Variants in ABTB2 observed in about 807,000 individuals in gnomAD.
ABTB2 encodes the protein ankyrin repeat and BTB domain containing 2, also known as ankyrin repeat and BTB/POZ domain-containing protein 2.
ABTB2 carries 56 observed loss-of-function variants against 104.1 expected under a neutral mutation model. That is an observed-to-expected ratio of 0.54 (90% CI 0.43 to 0.67). ABTB2 has a LOEUF of 0.67. Among genes scored for constraint, ABTB2 ranks in the 30% least tolerant of loss-of-function variants. The pLI is 0.00. For missense variants in ABTB2, 1,279 were observed against 1,407.7 expected (o/e 0.91, Z 1.46); for synonymous variants, 606 against 608.2 (o/e 1.00, Z 0.05).
chr11:34,357,433 C>T lies in ABTB2; in HGVS notation c.151G>A (p.Gly51Arg). 1.3e-6 allele frequency: 2 copies of T among 1,548,880 alleles called. No individual in the cohort carries two copies. The highest frequency in any genetic ancestry group is 8.7e-7 in the Non-Finnish European group (1 of 1,146,764). ...ALNSSAQQHR[G>R]AAWWCYSGSM... ...CCGGAGTAGCACCACCAGGCCGCCC[C>T]GCGGTGCTGCTGCGCCGAAGAGTTG... Residue 51 changes from glycine (G) to arginine (R), a missense_variant, in exon 1 of 17, where the codon GGG becomes AGG. Physicochemically the swap from Gly to Arg is moderately radical, Grantham distance 125 (BLOSUM62 -2). Transcript: ENST00000435224.
At position 34,357,436 on chromosome 11, in the gene ABTB2, G is replaced by A. The variant is rs1855481926; in HGVS notation, c.148C>T (p.Arg50Cys). The change falls in exon 1 of 17, where the codon CGC becomes TGC. Residue 50 changes from arginine to cysteine, a missense_variant. By Grantham distance (180) the Arg-to-Cys change is radical. Transcript: ENST00000435224. The stretch of plus-strand genomic sequence containing the variant: ...GAGTAGCACCACCAGGCCGCCCCGC[G>A]GTGCTGCTGCGCCGAAGAGTTGAGC... ...QALNSSAQQHRGAAWWCYSGS... is the reference protein window; with the variant it reads ...QALNSSAQQHCGAAWWCYSGS... 2 of 1,548,600 alleles carry A rather than the reference G, an allele frequency of 1.3e-6. No individual in the cohort carries two copies. Among genetic ancestry groups the A allele is most frequent in the Non-Finnish European group, 8.7e-7 (1 of 1,146,762 alleles).
Position 34,154,904 on chromosome 11 carries a change from C to G in ABTB2, c.2698-135G>C. Reference sequence around the variant, plus strand: ...TGCAGGTCCCCAGCTCTGTCTCTCCCTCCCTCTCCTGCTCAGGCTGAGACT... The same window carrying G: ...TGCAGGTCCCCAGCTCTGTCTCTCCGTCCCTCTCCTGCTCAGGCTGAGACT... On this transcript the variant is annotated intron_variant, in intron 14 of 16. Transcript: ENST00000435224. This position sits in a 1 kb window ranked among gnomAD's most constrained non-coding sequence, Gnocchi z 4.9. 1 of 773,210 alleles carries G rather than the reference C, an allele frequency of 1.3e-6. No homozygotes were observed. The highest frequency in any genetic ancestry group is 2.1e-6 in the Non-Finnish European group (1 of 470,922). The allele number at this position is 773,210 out of a possible 1,614,324, so 47.9% of individuals were successfully genotyped here. A position where few individuals can be genotyped will look rare whatever the true frequency, so the allele number is the denominator to read the frequency against.
intron 1 of ABTB2, among the ~76,000 whole-genome samples, chr11:34,222,700 TG>T (rs1323216713): frequency 8.5e-5 from 13 of 152,244 alleles, no homozygotes; most frequent in African/African-American, 3.1e-4. Context: ...AGGCTGGATG[TG>T]GGGCTGTGCT....
At position 34,272,706 on chromosome 11, in the gene ABTB2, C is replaced by CAAAAAAA. The variant is rs35638814; in HGVS notation, c.884-68023_884-68017dup. Among the ~76,000 whole-genome samples the CAAAAAAA allele has an allele frequency of 2.0e-3, 81 of 41,022 alleles. 3 individuals carry two copies. Among genetic ancestry groups the CAAAAAAA allele is most frequent in the African/African-American group, 5.1e-3 (51 of 10,064 alleles). The allele number at this position is 41,022 out of a possible 152,430, so 26.9% of individuals were successfully genotyped here. On this transcript the variant is annotated intron_variant, in intron 1 of 16. Transcript: ENST00000435224. ...TGGGCGACAGAGTAAGACTCCGTCT[C>CAAAAAAA]AAAAAAAAAAAAAAAAAAAAAAAAA...
At position 34,152,422 on chromosome 11, in the gene ABTB2, G is replaced by T; in HGVS notation, c.3043C>A (p.Arg1015Ser). Residue 1015 changes from arginine to serine, a missense_variant, in exon 17 of 17, where the codon CGC becomes AGC. Arg to Ser is a moderately radical substitution (Grantham distance 110). Coordinates refer to ENST00000435224, the MANE Select transcript of ABTB2 (RefSeq NM_145804.3). Reference sequence around the variant, plus strand: ...GAGGTGATGTAGACAGAGTGCACGCGCTCTGCCAGGGTGTTCTGCAGGTCC... The same window carrying T: ...GAGGTGATGTAGACAGAGTGCACGCTCTCTGCCAGGGTGTTCTGCAGGTCC... The part of the protein sequence containing the change: ...LQDLQNTLAE[R>S]VHSVYITSRV The T allele has an allele frequency of 1.3e-6, 2 of 1,588,306 alleles. No homozygotes were observed. Among genetic ancestry groups the T allele is most frequent in the Non-Finnish European group, 1.7e-6 (2 of 1,168,618 alleles).
chr11:34,276,218 TAAA>T (rs760725017), intron 1 of ABTB2, among the ~76,000 whole-genome samples: 8 of 136,946 alleles, frequency 5.8e-5, no homozygotes, highest in Admixed American at 7.4e-5. Flanking sequence ...CTTGTTTGGT[TAAA>T]AAAAAAAAAA....
intron 1 of ABTB2, among the ~76,000 whole-genome samples, chr11:34,234,925 T>C (rs1334094775): frequency 6.6e-6 from 1 of 152,216 alleles, no homozygotes; most frequent in Non-Finnish European, 1.5e-5. Flanking sequence ...TGGCGCTATC[T>C]TGGCTCACTG....
At chr11:34,293,385 C>G (rs1854585048) in intron 1 of ABTB2, among the ~76,000 whole-genome samples, 1 of 152,132 alleles carries the variant, frequency 6.6e-6, no homozygotes, top group African/African-American at 2.4e-5. Flanking sequence ...AAGTGACTCT[C>G]AGAGCCAGAT....
chr11:34,153,727 AAG>A (rs1852581515), intron 16 of ABTB2, among the ~76,000 whole-genome samples: 1 of 152,216 alleles, frequency 6.6e-6, no homozygotes, highest in African/African-American at 2.4e-5. Context: ...GCCATTGTCC[AAG>A]AGAGTGATGG....
chr11:34,208,084 TTCTC>T (rs531815875), intron 1 of ABTB2, among the ~76,000 whole-genome samples: 84 of 152,296 alleles, frequency 5.5e-4, no homozygotes, highest in African/African-American at 1.9e-3. Context: ...CAATTCTAAA[TTCTC>T]TCTCCCACAT....
intron 1 of ABTB2, among the ~76,000 whole-genome samples, chr11:34,338,065 T>TCGC (rs1855213750): frequency 6.6e-6 from 1 of 151,916 alleles, no homozygotes; most frequent in South Asian, 2.1e-4. Context: ...TTATCTAGAA[T>TCGC]CGCCGCAAGA....
Position 34,252,320 on chromosome 11 carries a change from G to A in ABTB2, c.884-47630C>T, listed in dbSNP as rs1273347002. The stretch of plus-strand genomic sequence containing the variant: ...CCACTTCCTATCAGCCTTTTCTTTG[G>A]ACTGGCCCCATCTCTTCCCTGGCTT... On this transcript the variant is annotated intron_variant, in intron 1 of 16. Transcript: ENST00000435224. The surrounding 1 kb of genome is among the most constrained non-coding windows in gnomAD (Gnocchi z 5.5). Among the ~76,000 whole-genome samples the A allele has an allele frequency of 2.6e-5, 4 of 152,148 alleles. No homozygotes were observed. Among genetic ancestry groups the A allele is most frequent in the Admixed American group, 6.5e-5 (1 of 15,284 alleles).
chr11:34,321,960 C>T (rs975954900), intron 1 of ABTB2, among the ~76,000 whole-genome samples: 28 of 152,190 alleles, frequency 1.8e-4, no homozygotes, highest in African/African-American at 6.5e-4. Context: ...AAAGCCCAAA[C>T]TCATACCCCC....
intron 3 of ABTB2, among the ~76,000 whole-genome samples, chr11:34,191,346 A>G (rs756875137): frequency 6.6e-6 from 1 of 152,204 alleles, no homozygotes; most frequent in Non-Finnish European, 1.5e-5. Flanking sequence ...CGCTGGCTCC[A>G]GCTCTTTGAA....
At chr11:34,192,353 G>A (rs1249026020) in intron 3 of ABTB2, among the ~76,000 whole-genome samples, 1 of 152,204 alleles carries the variant, frequency 6.6e-6, no homozygotes, top group Non-Finnish European at 1.5e-5. Flanking sequence ...ATGATTAAGA[G>A]CCTTGAAGAG....
chr11:34,162,491 C>T, intron 10 of ABTB2, 85 bp downstream of exon 10: 2 of 1,426,050 alleles, frequency 1.4e-6, no homozygotes, highest in African/African-American at 1.4e-5. Flanking sequence ...CTGGCCCTCT[C>T]AGGCCTGCTG....
intron 1 of ABTB2, among the ~76,000 whole-genome samples, chr11:34,213,664 A>AT (rs1442879612): frequency 6.6e-6 from 1 of 152,144 alleles, no homozygotes; most frequent in Non-Finnish European, 1.5e-5. Flanking sequence ...TTGCTGTTTA[A>AT]TTTTTTTGAA....
chr11:34,320,422 T>C (rs1854985838), intron 1 of ABTB2, among the ~76,000 whole-genome samples: 1 of 152,212 alleles, frequency 6.6e-6, no homozygotes, highest in Non-Finnish European at 1.5e-5. Flanking sequence ...TGGTTGATGA[T>C]TAAAACCTTA....
At chr11:34,294,519 G>A (rs1445800809) in intron 1 of ABTB2, among the ~76,000 whole-genome samples, 3 of 152,078 alleles carry the variant, frequency 2.0e-5, no homozygotes, top group East Asian at 1.9e-4. Flanking sequence ...CAGGAGTATC[G>A]CTATGAGTTA....
Sources: gnomAD v4.1 joint callset for allele counts (sites outside exome capture counted in the v4.1 genomes callset) on GRCh38, gnomAD v4.1.1 for gene constraint, Gnocchi (gnomAD v3.1) non-coding constraint, MANE v1.5 for transcripts, NCBI Gene and HGNC (gene_info 2026-07-23, HGNC 2026-07-21) for gene names.